SPHKAP: variants seen among roughly 807,000 people sequenced by gnomAD.
The protein encoded by SPHKAP is SPHK1 interactor, AKAP domain containing, also known as A-kinase anchor protein SPHKAP.
In SPHKAP, 67 loss-of-function variants were observed where a neutral mutation model predicts 137.5. The ratio of observed to expected loss-of-function variants is 0.49; its 90% CI spans 0.40 to 0.60. SPHKAP has a LOEUF of 0.60. SPHKAP is among the 20% of genes least tolerant of loss of function. SPHKAP has a pLI of 0.00. For synonymous variants in SPHKAP, 813 were observed against 785.3 expected, an observed-to-expected ratio of 1.04 and a Z score of -0.59; for missense variants, 2,097 against 2,069.3, an observed-to-expected ratio of 1.01 and a Z score of -0.26.
At chr2:228,101,488 G>A (rs561716220) in intron 3 of SPHKAP, among the ~76,000 whole-genome samples, 45 of 152,144 alleles carry the variant, frequency 3.0e-4, no homozygotes, top group Middle Eastern at 3.4e-3. Flanking sequence ...TATACTGCTG[G>A]GCATGTAAAT....
rs186642321 is a variant in SPHKAP, at chr2:227,983,100, T to C, written c.4960-1240A>G. 1.6e-3 allele frequency among the ~76,000 whole-genome samples: 242 copies of C among 152,238 alleles called. 5 individuals are homozygous for C. Among genetic ancestry groups the C allele is most frequent in the East Asian group, 5.8e-3 (30 of 5,174 alleles). ...TATTTCTTCAATTTTTTTTCTAGGA[T>C]TTTTTAAAATTAATTAATTATTATT... On this transcript the variant is annotated intron_variant, in intron 11 of 11. Transcript: ENST00000392056.
At chr2:228,151,975 C>T (rs1393533510) in intron 1 of SPHKAP, among the ~76,000 whole-genome samples, 1 of 151,988 alleles carries the variant, frequency 6.6e-6, no homozygotes, top group African/African-American at 2.4e-5. Flanking sequence ...CTTTTCATAA[C>T]AGTTTTGTAG....
At chr2:227,986,402 A>G (rs1693211179) in intron 11 of SPHKAP, among the ~76,000 whole-genome samples, 1 of 152,156 alleles carries the variant, frequency 6.6e-6, no homozygotes, top group African/African-American at 2.4e-5. Flanking sequence ...GATATTATGG[A>G]CTTTGGAGAC....
At chr2:228,129,973 T>C (rs1382221532) in intron 2 of SPHKAP, among the ~76,000 whole-genome samples, 1 of 151,940 alleles carries the variant, frequency 6.6e-6, no homozygotes, top group Non-Finnish European at 1.5e-5. Flanking sequence ...ACTTTTGTAT[T>C]TTAGTAGAGA....
At chr2:228,117,288 G>A (rs767692778) in intron 2 of SPHKAP, among the ~76,000 whole-genome samples, 2 of 152,030 alleles carry the variant, frequency 1.3e-5, no homozygotes, top group Admixed American at 6.6e-5. Flanking sequence ...GTTAACTTTC[G>A]AATGAGACAC....
chr2:227,986,677 C>T (rs528911820), intron 11 of SPHKAP, among the ~76,000 whole-genome samples: 1 of 152,336 alleles, frequency 6.6e-6, no homozygotes, highest in South Asian at 2.1e-4. Context: ...CACTCCTCTT[C>T]TGACGCCCAC....
intron 1 of SPHKAP, among the ~76,000 whole-genome samples, chr2:228,151,772 T>C (rs1308259686): frequency 2.6e-5 from 4 of 152,152 alleles, no homozygotes; most frequent in Non-Finnish European, 5.9e-5. Context: ...CTTTCTTTAC[T>C]TTCTTTGGAG....
At position 228,021,758 on chromosome 2, in the gene SPHKAP, G is replaced by A; in HGVS notation, c.650C>T (p.Ala217Val). The A allele has an allele frequency of 6.2e-7, 1 of 1,614,124 alleles. No individual in the cohort carries two copies. Among genetic ancestry groups the A allele is most frequent in the Non-Finnish European group, 8.5e-7 (1 of 1,179,998 alleles). The change falls in exon 6 of 12, where the codon GCT becomes GTT. Residue 217 changes from alanine (A) to valine (V), a missense_variant. Transcript: ENST00000392056. Reference sequence around the variant, plus strand: ...GCTTTCCTCCTCCAAGTGCTCAGAAGCGGTGAGAAAGTCTTCCTCGATTGA... The same window carrying A: ...GCTTTCCTCCTCCAAGTGCTCAGAAACGGTGAGAAAGTCTTCCTCGATTGA... ...LSSIEEDFLT[A>V]SEHLEEESEV... is the part of the protein sequence containing the mutation.
In SPHKAP at chr2:227,982,788, CTCTT is replaced by C. The variant is rs1391485706; in HGVS notation, c.4960-932_4960-929del. Among the ~76,000 whole-genome samples, 12 of 152,302 alleles carry C rather than the reference CTCTT, an allele frequency of 7.9e-5. No individual in the cohort carries two copies. In the East Asian group the frequency reaches 1.2e-3, roughly 15 times the overall value. On this transcript the variant is annotated intron_variant, in intron 11 of 11. Coordinates refer to ENST00000392056, the MANE Select transcript of SPHKAP (RefSeq NM_001142644.2). ...GGTCTTCTAACACTTCCGTACAATG[CTCTT>C]TCTATCACCGCACCTTTCTGCATTT...
At chr2:228,117,859 A>T (rs2106359062) in intron 2 of SPHKAP, among the ~76,000 whole-genome samples, 1 of 150,996 alleles carries the variant, frequency 6.6e-6, no homozygotes, top group African/African-American at 2.4e-5. Context: ...TAGAAGGTGA[A>T]TAAAGAAAAT....
chr2:228,081,580 G>A (rs4402756), intron 3 of SPHKAP, among the ~76,000 whole-genome samples: 36,318 of 152,028 alleles, frequency 0.24, 4,473 homozygotes, highest in East Asian at 0.28. Flanking sequence ...TAAAGAAAAT[G>A]TGGTATGTAT....
chr2:228,026,311 T>C (rs1295987916), intron 4 of SPHKAP, among the ~76,000 whole-genome samples: 1 of 152,214 alleles, frequency 6.6e-6, no homozygotes, highest in Non-Finnish European at 1.5e-5. Flanking sequence ...TGAATAATAA[T>C]AATTATAATA....
At chr2:228,027,960 GAAA>G (rs113514692) in intron 3 of SPHKAP, 482 of 801,932 alleles carry the variant, frequency 6.0e-4, no homozygotes, top group Middle Eastern at 1.3e-3. Context: ...GACTGCATCT[GAAA>G]AAAAAAAAAA....
chr2:227,993,007 T>G (rs1161230429), intron 9 of SPHKAP, among the ~76,000 whole-genome samples: 1 of 152,192 alleles, frequency 6.6e-6, no homozygotes, highest in Non-Finnish European at 1.5e-5. Flanking sequence ...CCTGTCCTTC[T>G]CTAAGTCCTT....
chr2:228,057,489 A>C (rs180913241), intron 3 of SPHKAP, among the ~76,000 whole-genome samples: 91 of 152,252 alleles, frequency 6.0e-4, no homozygotes, highest in Non-Finnish European at 1.1e-3. Flanking sequence ...TACAAGAGAG[A>C]GTCTTCAGGG....
intron 3 of SPHKAP, among the ~76,000 whole-genome samples, chr2:228,042,548 C>A (rs1386808166): frequency 2.0e-5 from 3 of 152,020 alleles, no homozygotes. Flanking sequence ...TATTAATCTA[C>A]TTTATATTTC....
intron 3 of SPHKAP, among the ~76,000 whole-genome samples, chr2:228,030,548 A>AC (rs1559357020): frequency 2.9e-5 from 3 of 103,268 alleles, no homozygotes; most frequent in African/African-American, 4.1e-5. Context: ...AAAAACAAAA[A>AC]AAAAAAAATA....
chr2:228,180,668 C>T (rs1700880291), intron 1 of SPHKAP, among the ~76,000 whole-genome samples: 1 of 152,306 alleles, frequency 6.6e-6, no homozygotes, highest in African/African-American at 2.4e-5. Flanking sequence ...TGGCTCCCGG[C>T]GCGAGCGCTC....
At chr2:228,132,129 A>G (rs1324370635) in intron 1 of SPHKAP, 44 bp from the exon 2 acceptor site, 3 of 1,464,766 alleles carry the variant, frequency 2.0e-6, no homozygotes, top group Admixed American at 3.4e-5. Context: ...AGTGAGTCAT[A>G]TCTATATTTG....
Sources: allele counts gnomAD v4.1 joint callset (sites outside exome capture counted in the v4.1 genomes callset), GRCh38; gene constraint gnomAD v4.1.1; transcripts MANE v1.5; gene names NCBI Gene and HGNC (gene_info 2026-07-23, HGNC 2026-07-21).